Variants in WWOX observed in about 807,000 individuals in gnomAD.
WWOX encodes WW domain containing oxidoreductase.
In WWOX, 69 loss-of-function variants were observed where a neutral mutation model predicts 46.2. The ratio of observed to expected loss-of-function variants is 1.49; its 90% CI spans 1.23 to 1.82. The LOEUF (loss-of-function observed/expected upper bound fraction) is 1.82. Among genes scored for constraint, WWOX ranks in the 40% most tolerant of loss-of-function variants. The pLI, the probability that WWOX is intolerant of heterozygous loss-of-function variation, is 0.00. For synonymous variants in WWOX, 359 were observed against 202.6 expected, an observed-to-expected ratio of 1.77 and a Z score of -6.56; for missense variants, 919 against 542.6, an observed-to-expected ratio of 1.69 and a Z score of -6.89.
intron 8 of WWOX, among the ~76,000 whole-genome samples, chr16:78,857,707 C>G (rs1412360503): frequency 1.3e-5 from 2 of 152,140 alleles, no homozygotes; most frequent in African/African-American, 4.8e-5. Context: ...GAGGCCTTTT[C>G]CCTAGTAGTA....
At chr16:78,823,296 C>T (rs1476798065) in intron 8 of WWOX, among the ~76,000 whole-genome samples, 5 of 152,166 alleles carry the variant, frequency 3.3e-5, no homozygotes, top group African/African-American at 1.2e-4. Flanking sequence ...GGGTTGGGGG[C>T]TGCAGGAAGA....
intron 8 of WWOX, among the ~76,000 whole-genome samples, chr16:79,177,297 G>C (rs1463857975): frequency 6.6e-6 from 1 of 152,152 alleles, no homozygotes; most frequent in Non-Finnish European, 1.5e-5. Flanking sequence ...TCCTCGCCTG[G>C]CCTCATTGCT....
At chr16:79,042,793 A>G (rs1250034606) in intron 8 of WWOX, among the ~76,000 whole-genome samples, 1 of 147,432 alleles carries the variant, frequency 6.8e-6, no homozygotes, top group African/African-American at 2.5e-5. Flanking sequence ...ACATTTGTCT[A>G]ATATACTGTT....
At chr16:78,345,836 A>C (rs2081086023) in intron 5 of WWOX, among the ~76,000 whole-genome samples, 1 of 118,350 alleles carries the variant, frequency 8.4e-6, no homozygotes, top group African/African-American at 2.9e-5. Flanking sequence ...CCTTTTGCTT[A>C]CTTGCTTGGA....
intron 4 of WWOX, among the ~76,000 whole-genome samples, chr16:78,160,419 C>G (rs1043066910): frequency 3.9e-5 from 6 of 152,182 alleles, no homozygotes; most frequent in African/African-American, 1.4e-4. Flanking sequence ...GCCACTGTGC[C>G]TGGTCTTCTT....
At chr16:78,661,788 G>A (rs995959093) in intron 8 of WWOX, among the ~76,000 whole-genome samples, 18 of 152,216 alleles carry the variant, frequency 1.2e-4, no homozygotes, top group South Asian at 6.2e-4. Flanking sequence ...CGTAATCCCA[G>A]TGCTTTGAGA....
intron 8 of WWOX, among the ~76,000 whole-genome samples, chr16:79,025,853 C>T (rs1342935138): frequency 1.5e-5 from 2 of 129,192 alleles, no homozygotes; most frequent in African/African-American, 6.0e-5. Context: ...GGCTGGAGTG[C>T]AACGGCACAA....
intron 8 of WWOX, among the ~76,000 whole-genome samples, chr16:78,464,463 G>T (rs1479736122): frequency 6.6e-6 from 1 of 152,128 alleles, no homozygotes; most frequent in Non-Finnish European, 1.5e-5. Flanking sequence ...TTGACCAAGT[G>T]ACTGAATACA....
chr16:79,123,632 C>T (rs982660596), intron 8 of WWOX, among the ~76,000 whole-genome samples: 1 of 152,096 alleles, frequency 6.6e-6, no homozygotes. Flanking sequence ...AGTTTGACCC[C>T]AAGGCTCCAG....
chr16:79,125,011 T>C (rs561447852), intron 8 of WWOX, among the ~76,000 whole-genome samples: 47 of 151,886 alleles, frequency 3.1e-4, no homozygotes, highest in African/African-American at 1.1e-3. Context: ...GGGATTATAA[T>C]CCATGCCTGT....
intron 8 of WWOX, among the ~76,000 whole-genome samples, chr16:78,548,316 G>A (rs1030029928): frequency 2.0e-5 from 3 of 148,216 alleles, no homozygotes; most frequent in African/African-American, 4.9e-5. Context: ...CAACAGTCAT[G>A]TATTTTATTA....
rs141868339 is a variant in WWOX at position 78,949,789 on chromosome 16, G to A, written c.1057-261819G>A. Among the ~76,000 whole-genome samples, 29 of 152,280 alleles carry A rather than the reference G, an allele frequency of 1.9e-4. No individual in the cohort carries two copies. The East Asian group carries it at 4.2e-3, about 22-fold the overall frequency. On this transcript the variant is annotated intron_variant, in intron 8 of 8. Transcript: ENST00000566780. ...CTTGAAGGATTGAACGCCTCAATGC[G>A]TGCATCCTACATTGTCTAGTGGGAG...
At chr16:78,418,098 C>A (rs762394126) in intron 6 of WWOX, among the ~76,000 whole-genome samples, 1 of 152,178 alleles carries the variant, frequency 6.6e-6, no homozygotes, top group Admixed American at 6.5e-5. Flanking sequence ...CGGTGGCTCA[C>A]GCCTGTAATC....
intron 8 of WWOX, among the ~76,000 whole-genome samples, chr16:78,774,471 C>T (rs927423505): frequency 2.8e-4 from 43 of 151,250 alleles, no homozygotes; most frequent in African/African-American, 8.3e-4. Flanking sequence ...GTCATTTTTT[C>T]GGGCAGTTTC....
At chr16:78,788,763 C>G (rs2050520206) in intron 8 of WWOX, among the ~76,000 whole-genome samples, 1 of 152,178 alleles carries the variant, frequency 6.6e-6, no homozygotes, top group Non-Finnish European at 1.5e-5. Flanking sequence ...CCTGAAGCCC[C>G]TCAGCCAGAC....
chr16:78,867,310 CCTTT>C (rs1274370669), intron 8 of WWOX, among the ~76,000 whole-genome samples: 1 of 152,004 alleles, frequency 6.6e-6, no homozygotes, highest in African/African-American at 2.4e-5. Context: ...TTTTCATATC[CCTTT>C]CTATTTTATG....
chr16:78,115,267 C>T (rs972761911), intron 4 of WWOX, 113 bp downstream of exon 4: 15 of 1,280,518 alleles, frequency 1.2e-5, no homozygotes, highest in Middle Eastern at 3.7e-4. Flanking sequence ...TGACTTTTAT[C>T]CTTTTCAGAT....
At chr16:78,372,701 C>T (rs555865215) in intron 5 of WWOX, among the ~76,000 whole-genome samples, 1 of 152,124 alleles carries the variant, frequency 6.6e-6, no homozygotes, top group Non-Finnish European at 1.5e-5. Flanking sequence ...CAGTTATAGG[C>T]TTTTAAGGTC....
intron 8 of WWOX, among the ~76,000 whole-genome samples, chr16:79,114,689 C>T (rs1300031570): frequency 1.3e-5 from 2 of 152,102 alleles, no homozygotes; most frequent in Non-Finnish European, 2.9e-5. Context: ...GTTTGTGGCA[C>T]TTTGTTATGG....
Sources: gnomAD v4.1 joint callset for allele counts (sites outside exome capture counted in the v4.1 genomes callset) on GRCh38, gnomAD v4.1.1 for gene constraint, MANE v1.5 for transcripts, NCBI Gene and HGNC (gene_info 2026-07-23, HGNC 2026-07-21) for gene names.